Variants in FOCAD observed in about 807,000 individuals in gnomAD.
The protein encoded by FOCAD is focadhesin.
Under a neutral mutation model 225.6 loss-of-function variants are expected in FOCAD, and 198 were observed. The ratio of observed to expected loss-of-function variants is 0.88; its 90% CI spans 0.78 to 0.99. The LOEUF (loss-of-function observed/expected upper bound fraction) is 0.99. Among genes scored for constraint, FOCAD ranks in the 50% least tolerant of loss-of-function variants. The pLI, the probability that FOCAD is intolerant of heterozygous loss-of-function variation, is 0.00. For missense variants in FOCAD, 2,713 were observed against 2,123.6 expected, an observed-to-expected ratio of 1.28 and a Z score of -5.46; for synonymous variants, 897 against 755.0, an observed-to-expected ratio of 1.19 and a Z score of -3.08.
chr9:20,740,883 A>G (rs942801403), intron 5 of FOCAD, among the ~76,000 whole-genome samples: 1 of 152,052 alleles, frequency 6.6e-6, no homozygotes, highest in Non-Finnish European at 1.5e-5. Context: ...AATGCATTGG[A>G]TTTTCTGGGG....
chr9:20,752,743 C>G (rs1217438563), intron 5 of FOCAD, among the ~76,000 whole-genome samples: 1 of 152,124 alleles, frequency 6.6e-6, no homozygotes, highest in Non-Finnish European at 1.5e-5. Flanking sequence ...TGTAAATTAC[C>G]TTGGGCAGTA....
chr9:20,793,214 G>T (rs951213207), intron 11 of FOCAD, among the ~76,000 whole-genome samples: 1 of 152,160 alleles, frequency 6.6e-6, no homozygotes, highest in African/African-American at 2.4e-5. Flanking sequence ...TAAAAATTGG[G>T]ATGAGCCTGC....
chr9:20,827,123 A>G (rs1344987848), intron 15 of FOCAD, among the ~76,000 whole-genome samples: 3 of 152,104 alleles, frequency 2.0e-5, no homozygotes, highest in Admixed American at 2.0e-4. Flanking sequence ...GAGTTATGCC[A>G]CCATCATCAC....
upstream of FOCAD, chr9:20,683,377 A>G (rs909567208): frequency 6.6e-6 from 1 of 151,990 alleles, no homozygotes; most frequent in African/African-American, 2.4e-5. Context: ...TTTTAGAGTA[A>G]TTTGTCTTAA....
intron 21 of FOCAD, among the ~76,000 whole-genome samples, chr9:20,898,634 A>T (rs936321948): frequency 6.6e-6 from 1 of 151,754 alleles, no homozygotes; most frequent in African/African-American, 2.4e-5. Flanking sequence ...TATTGTCTTT[A>T]TTATCTTTTA....
chr9:20,687,045 T>A (rs1381453475), intron 1 of FOCAD, among the ~76,000 whole-genome samples: 8 of 152,036 alleles, frequency 5.3e-5, no homozygotes, highest in Admixed American at 5.2e-4. Context: ...GTAATAAAAT[T>A]GTGTTTATGA....
intron 8 of FOCAD, among the ~76,000 whole-genome samples, chr9:20,777,270 G>A (rs1215832938): frequency 2.0e-5 from 3 of 147,804 alleles, no homozygotes; most frequent in Non-Finnish European, 4.5e-5. Flanking sequence ...TTAACATGTG[G>A]CTCTAACTTA....
At chr9:20,933,625 A>G (rs1554729701) in intron 28 of FOCAD, among the ~76,000 whole-genome samples, 1 of 152,010 alleles carries the variant, frequency 6.6e-6, no homozygotes, top group Non-Finnish European at 1.5e-5. Flanking sequence ...ATTGATGGGT[A>G]TTTGAGTTGG....
At chr9:20,707,772 G>T (rs1185434930) in intron 1 of FOCAD, among the ~76,000 whole-genome samples, 18 of 152,150 alleles carry the variant, frequency 1.2e-4, no homozygotes, top group Admixed American at 1.2e-3. Flanking sequence ...CTTTTCTCAA[G>T]GGTCAACTGT....
intron 19 of FOCAD, among the ~76,000 whole-genome samples, chr9:20,877,162 T>C (rs1243889606): frequency 6.6e-6 from 1 of 150,718 alleles, no homozygotes; most frequent in African/African-American, 2.4e-5. Flanking sequence ...TAGGGTTTTC[T>C]CCCCCAGTAT....
chr9:20,900,597 A>G (rs1294126658), intron 21 of FOCAD, among the ~76,000 whole-genome samples: 1 of 151,954 alleles, frequency 6.6e-6, no homozygotes, highest in Non-Finnish European at 1.5e-5. Context: ...AGTACAAGGA[A>G]TAATGTTAGC....
intron 35 of FOCAD, among the ~76,000 whole-genome samples, chr9:20,975,653 G>A (rs1840166046): frequency 6.6e-6 from 1 of 152,204 alleles, no homozygotes; most frequent in African/African-American, 2.4e-5. Flanking sequence ...ACAAGAGTGT[G>A]CAGAGGACAG....
chr9:20,820,824 C>T (rs985298369), intron 13 of FOCAD, 117 bp from the exon 14 acceptor site: 1 of 1,103,416 alleles, frequency 9.1e-7, no homozygotes, highest in Admixed American at 2.1e-5. Context: ...AGAAGAACGA[C>T]AGTATAATTT....
intron 15 of FOCAD, among the ~76,000 whole-genome samples, chr9:20,847,325 T>A (rs569389655): frequency 2.0e-4 from 30 of 152,148 alleles, no homozygotes; most frequent in Non-Finnish European, 3.4e-4. Context: ...AATCATACAG[T>A]ATGTGGTATT....
intron 6 of FOCAD, among the ~76,000 whole-genome samples, chr9:20,764,504 G>C (rs1014556042): frequency 6.6e-6 from 1 of 152,148 alleles, no homozygotes; most frequent in Admixed American, 6.6e-5. Context: ...TGCCTGCCTC[G>C]GCCTCCCAAA....
At chr9:20,869,675 G>T (rs1166309235) in intron 18 of FOCAD, among the ~76,000 whole-genome samples, 1 of 152,122 alleles carries the variant, frequency 6.6e-6, no homozygotes, top group Non-Finnish European at 1.5e-5. Context: ...CTTGTCATTT[G>T]TTATTAAGAA....
At chr9:20,847,614 C>T (rs1351477352) in intron 15 of FOCAD, among the ~76,000 whole-genome samples, 3 of 151,494 alleles carry the variant, frequency 2.0e-5, no homozygotes, top group Non-Finnish European at 4.4e-5. Flanking sequence ...GAAGGAGGGG[C>T]GATAATCATT....
chr9:20,773,412 G>A (rs1158214935), intron 8 of FOCAD, among the ~76,000 whole-genome samples: 5 of 152,126 alleles, frequency 3.3e-5, no homozygotes, highest in African/African-American at 9.7e-5. Context: ...GTCTGAGTGC[G>A]GCCCAAGTAT....
chr9:20,820,114 G>T (rs924440411), intron 12 of FOCAD, among the ~76,000 whole-genome samples: 5 of 151,732 alleles, frequency 3.3e-5, no homozygotes, highest in African/African-American at 9.7e-5. Context: ...TTTCACTTTG[G>T]CTATTCTCTG....
Sources: gnomAD v4.1 joint callset for allele counts (sites outside exome capture counted in the v4.1 genomes callset) on GRCh38, gnomAD v4.1.1 for gene constraint, MANE v1.5 for transcripts, NCBI Gene and HGNC (gene_info 2026-07-23, HGNC 2026-07-21) for gene names.